CEP164: variants seen among roughly 807,000 people sequenced by gnomAD.
The protein encoded by CEP164 is centrosomal protein 164, also known as centrosomal protein of 164 kDa.
In CEP164, 162 loss-of-function variants were observed where a neutral mutation model predicts 182.7. That is an observed-to-expected ratio of 0.89 (90% CI 0.78 to 1.01). The LOEUF (loss-of-function observed/expected upper bound fraction) is 1.01, where lower values mean the gene tolerates loss of function less well. Ranked by LOEUF, CEP164 falls within the 50% of genes least tolerant of loss-of-function variation. The probability of loss-of-function intolerance (pLI) is 0.00; values close to 1 mark genes in which losing one functional copy is unlikely to be tolerated. For synonymous variants in CEP164, 661 were observed against 690.0 expected (o/e 0.96, Z 0.66); for missense variants, 1,735 against 1,790.4 (o/e 0.97, Z 0.56).
In CEP164 at chr11:117,407,985, A is replaced by T; in HGVS notation, c.3562A>T (p.Lys1188Ter). ...GCGGAAAGGCCACAACCTGCTGAAG[A>T]AGAAAGAGGAGAAGCTGAATCAGTT... is the stretch of plus-strand genomic sequence containing the variant. ...AMRKGHNLLK[K>*]KEEKLNQLES... The change falls in exon 28 of 33, where the codon AAG becomes TAG. Residue 1188 changes from lysine to a stop codon, truncating the protein, a stop_gained. Coordinates refer to ENST00000278935, the MANE Select transcript of CEP164 (RefSeq NM_014956.5). LOFTEE classifies it high-confidence loss of function. The T allele has an allele frequency of 6.2e-7, 1 of 1,602,018 alleles. No individual in the cohort carries two copies. The highest frequency in any genetic ancestry group is 1.1e-5 in the South Asian group (1 of 88,198).
Position 117,371,129 on chromosome 11 carries a change from A to G in CEP164, c.815A>G (p.Asp272Gly), listed in dbSNP as rs1411607770. 1 of 1,611,728 alleles carries G rather than the reference A, an allele frequency of 6.2e-7. No homozygotes were observed. The highest frequency in any genetic ancestry group is 2.2e-5 in the East Asian group (1 of 44,810). Residue 272 changes from aspartate to glycine, a missense_variant, in exon 9 of 33, where the codon GAT becomes GGT. Physicochemically the swap from Asp to Gly is moderately conservative, Grantham distance 94 (BLOSUM62 -1). Transcript: ENST00000278935. Reference sequence around the variant, plus strand: ...GAGGAGAAGAAGGATGTTTCTCTGGATTCAGATGCTGCCGGTCCCCCTACT... The same window carrying G: ...GAGGAGAAGAAGGATGTTTCTCTGGGTTCAGATGCTGCCGGTCCCCCTACT... The part of the protein sequence containing the change: ...QPEEKKDVSL[D>G]SDAAGPPTPC...
rs1366029219 is a variant in CEP164, at chr11:117,411,884, GGTGGCT to G, written c.4255_4260del (p.Trp1419_Leu1420del). On this transcript the variant is annotated inframe_deletion, in exon 32 of 33. Transcript: ENST00000278935. The surrounding 1 kb of genome is among the most constrained non-coding windows in gnomAD (Gnocchi z 4.4). ...CAGGGCATAATTGAGGCCAACCGGA[GGTGGCT>G]GGAACGTGTCAAGAATGACCCCAGG... 1 of 1,614,140 alleles carries G rather than the reference GGTGGCT, an allele frequency of 6.2e-7. No homozygotes were observed. Among genetic ancestry groups the G allele is most frequent in the African/African-American group, 1.3e-5 (1 of 75,058 alleles).
rs915096733 is a variant in CEP164 at position 117,409,731 on chromosome 11, C to T, written c.3862C>T (p.Gln1288Ter). ...CAGCATCCTGGACAGCCTCAACCCT[C>T]AGTCGCCGCCGCCGCTCCTCGCCTC... ...VLSILDSLNP[Q>*]SPPPLLASMP... Residue 1288 changes from glutamine to a stop codon, truncating the protein, a stop_gained, in exon 30 of 33, where the codon CAG (glutamine) becomes TAG (stop). Transcript: ENST00000278935. LOFTEE classifies it high-confidence loss of function. The surrounding 1 kb of genome is among the most constrained non-coding windows in gnomAD (Gnocchi z 4.4). The T allele has an allele frequency of 6.2e-7, 1 of 1,614,010 alleles. No individual in the cohort carries two copies. Among genetic ancestry groups the T allele is most frequent in the Non-Finnish European group, 8.5e-7 (1 of 1,179,908 alleles).
At chr11:117,352,102 A>G in intron 5 of CEP164, 114 bp downstream of exon 5, 3 of 850,066 alleles carry the variant, frequency 3.5e-6, no homozygotes, top group Non-Finnish European at 3.6e-6. Flanking sequence ...GAATATGGTA[A>G]ATTCTTGATA....
At position 117,407,794 on chromosome 11, in the gene CEP164, A is replaced by G. The variant is rs2046882518; in HGVS notation, c.3502-131A>G. The G allele has an allele frequency of 8.3e-6, 5 of 605,340 alleles. No individual in the cohort carries two copies. The South Asian group carries it at 9.6e-5, about 12-fold the overall frequency. 37.5% of individuals were successfully genotyped at this position (605,340 alleles called of 1,614,324 possible). A position where few individuals can be genotyped will look rare whatever the true frequency, so the allele number is the denominator to read the frequency against. The stretch of plus-strand genomic sequence containing the variant: ...TTCTTACGACCCTGTGAAAAGTCAT[A>G]GTTCTCTGTTCCAGATGAGAAAGCA... On this transcript the variant is annotated intron_variant, in intron 27 of 32. Coordinates refer to ENST00000278935, the MANE Select transcript of CEP164 (RefSeq NM_014956.5).
chr11:117,370,999 C>A, intron 8 of CEP164, 81 bp from the exon 9 acceptor site: 1 of 1,424,198 alleles, frequency 7.0e-7, no homozygotes. Flanking sequence ...CAGGGAATAG[C>A]ATTTCCATCT....
At chr11:117,355,141 C>T (rs1166900025) in intron 5 of CEP164, 6 of 1,289,882 alleles carry the variant, frequency 4.7e-6, no homozygotes, top group Non-Finnish European at 6.1e-6. Flanking sequence ...TGCAGCCACT[C>T]TCCAAAGGCC....
chr11:117,356,229 C>T lies in CEP164; in HGVS notation c.393+4241C>T, dbSNP rs934897732. ...GAGCAGTCAGAAAGTGAAGACTACT[C>T]TGAGGACCAGAGGTTCTACCAGCAC... On this transcript the variant is annotated intron_variant, in intron 5 of 32. Coordinates refer to ENST00000278935, the MANE Select transcript of CEP164 (RefSeq NM_014956.5). 3 of 1,097,336 alleles carry T rather than the reference C, an allele frequency of 2.7e-6. No individual in the cohort carries two copies. The Admixed American group carries it at 1.3e-4, about 49-fold the overall frequency. The allele number at this position is 1,097,336 out of a possible 1,614,324, so 68.0% of individuals were successfully genotyped here.
intron 27 of CEP164, among the ~76,000 whole-genome samples, chr11:117,402,230 T>C (rs1046991277): frequency 4.1e-4 from 62 of 151,472 alleles, no homozygotes; most frequent in African/African-American, 1.3e-3. Flanking sequence ...CTTGTCTTTT[T>C]TTTTTTTTTG....
intron 28 of CEP164, chr11:117,408,603 G>A (rs1236388264): frequency 1.7e-5 from 7 of 422,900 alleles, no homozygotes; most frequent in African/African-American, 1.4e-4. Context: ...TTCGCCCAGG[G>A]TACCTGGTGG....
At position 117,380,725 on chromosome 11, in the gene CEP164, A is replaced by T. The variant is rs1261238804; in HGVS notation, c.1409+20A>T. 3 of 1,582,906 alleles carry T rather than the reference A, an allele frequency of 1.9e-6. No homozygotes were observed. In the East Asian group the frequency reaches 6.9e-5, roughly 36 times the overall value. ...GGAGAGGTACCATAGGTGGGAGGCTATCCCCAGCGCTGTGCCTTCAGGGTG... is the reference window on the plus strand; with the variant it reads ...GGAGAGGTACCATAGGTGGGAGGCTTTCCCCAGCGCTGTGCCTTCAGGGTG... On this transcript the variant is annotated intron_variant, in intron 12 of 32. Transcript: ENST00000278935.
intron 4 of CEP164, among the ~76,000 whole-genome samples, chr11:117,349,065 C>G (rs1210485453): frequency 6.6e-6 from 1 of 152,094 alleles, no homozygotes; most frequent in Middle Eastern, 3.2e-3. Flanking sequence ...CTCTGTCACC[C>G]AGGCTGGAGT....
At chr11:117,400,015 C>G (rs528482547) in intron 27 of CEP164, among the ~76,000 whole-genome samples, 23 of 152,248 alleles carry the variant, frequency 1.5e-4, no homozygotes, top group African/African-American at 5.5e-4. Flanking sequence ...TCAATTTTGG[C>G]TTTTGTTGCC....
upstream of CEP164, among the ~76,000 whole-genome samples, chr11:117,325,703 T>C (rs1307291771): frequency 1.3e-5 from 2 of 151,820 alleles, no homozygotes; most frequent in Non-Finnish European, 2.9e-5. Context: ...TTAAAGAAGA[T>C]GGAGAGGAAA....
intron 15 of CEP164, among the ~76,000 whole-genome samples, chr11:117,390,540 G>A (rs1294701101): frequency 1.3e-5 from 2 of 151,754 alleles, no homozygotes; most frequent in Non-Finnish European, 2.9e-5. Context: ...GGATGCTGAG[G>A]CGAGAGGATT....
intron 27 of CEP164, among the ~76,000 whole-genome samples, chr11:117,398,386 A>G (rs1019976847): frequency 1.3e-5 from 2 of 152,126 alleles, no homozygotes; most frequent in East Asian, 1.9e-4. Context: ...AGTGCAAGCT[A>G]TTGACGGATC....
Position 117,394,412 on chromosome 11 carries a change from G to C in CEP164, c.2679G>C (p.Arg893Ser), listed in dbSNP as rs2045142954. The C allele has an allele frequency of 6.2e-7, 1 of 1,613,614 alleles. No individual in the cohort carries two copies. The highest frequency in any genetic ancestry group is 8.5e-7 in the Non-Finnish European group (1 of 1,179,856). The change falls in exon 21 of 33, where the codon AGG becomes AGC. Residue 893 changes from arginine (R) to serine (S), a missense_variant. Physicochemically the swap from Arg to Ser is moderately radical, Grantham distance 110 (BLOSUM62 -1). Transcript: ENST00000278935. The surrounding 1 kb of genome is among the most constrained non-coding windows in gnomAD (Gnocchi z 4.0). ...CCGGAGAGCTGGAGCGCCTGCAGAG[G>C]GCCCATGAACGAGAACTGGAGACTG... ...HLTGELERLQRAHERELETVR... is the reference protein window; with the variant it reads ...HLTGELERLQSAHERELETVR...
intron 11 of CEP164, among the ~76,000 whole-genome samples, chr11:117,380,237 T>C (rs1042969127): frequency 1.3e-5 from 2 of 152,126 alleles, no homozygotes; most frequent in African/African-American, 4.8e-5. Flanking sequence ...CTCTGTGGAT[T>C]TGGGGTACTC....
At position 117,362,460 on chromosome 11, in the gene CEP164, TGAG is replaced by T. The variant is rs1268986978; in HGVS notation, c.612_614del (p.Glu204del). The T allele has an allele frequency of 1.2e-6, 2 of 1,613,560 alleles. No homozygotes were observed. Among genetic ancestry groups the T allele is most frequent in the Admixed American group, 3.3e-5 (2 of 59,994 alleles). ...CAAAGGGTCTCTTGGGCTCCATATA[TGAG>T]GACAAGACTGCTCTCAGCCTCTTGG... On this transcript the variant is annotated inframe_deletion, in exon 7 of 33. Coordinates refer to ENST00000278935, the MANE Select transcript of CEP164 (RefSeq NM_014956.5).
Sources: gnomAD v4.1 joint callset for allele counts (sites outside exome capture counted in the v4.1 genomes callset) on GRCh38, gnomAD v4.1.1 for gene constraint, Gnocchi (gnomAD v3.1) non-coding constraint, MANE v1.5 for transcripts, NCBI Gene and HGNC (gene_info 2026-07-23, HGNC 2026-07-21) for gene names.